The following EPHA3 variants were observed in gnomAD, a reference collection of about 807,000 sequenced individuals.
EPHA3 encodes the protein EPH receptor A3.
A neutral mutation model predicts 107.1 loss-of-function variants in EPHA3; 42 were observed. The ratio of observed to expected loss-of-function variants is 0.39; its 90% CI spans 0.31 to 0.51. EPHA3 has a LOEUF of 0.51. Ranked by LOEUF, EPHA3 falls within the 20% of genes least tolerant of loss-of-function variation. The pLI, the probability that EPHA3 is intolerant of heterozygous loss-of-function variation, is 0.78. For synonymous variants in EPHA3, 461 were observed against 424.8 expected (o/e 1.09, Z -1.05); for missense variants, 1,183 against 1,211.2 (o/e 0.98, Z 0.35).
intron 15 of EPHA3, among the ~76,000 whole-genome samples, chr3:89,459,074 T>C (rs1185467068): frequency 6.6e-6 from 1 of 152,086 alleles, no homozygotes; most frequent in Admixed American, 6.5e-5. Flanking sequence ...AAATACCTAA[T>C]GCATGTGGAG....
At chr3:89,412,265 A>T (rs547380941) in intron 9 of EPHA3, among the ~76,000 whole-genome samples, 1 of 151,700 alleles carries the variant, frequency 6.6e-6, no homozygotes, top group African/African-American at 2.4e-5. Flanking sequence ...ATTATCCTGT[A>T]TCAGTTGTCT....
intron 2 of EPHA3, among the ~76,000 whole-genome samples, chr3:89,167,120 A>G (rs1373692836): frequency 6.6e-6 from 1 of 152,124 alleles, no homozygotes; most frequent in Non-Finnish European, 1.5e-5. Flanking sequence ...ATGAAAACTA[A>G]TTTGTTTTAA....
intron 3 of EPHA3, 78 bp downstream of exon 3, chr3:89,210,598 C>T: frequency 5.6e-6 from 8 of 1,433,606 alleles, no homozygotes; most frequent in Non-Finnish European, 7.5e-6. Flanking sequence ...ATGAAATGCA[C>T]TCAGTCTCAA....
intron 3 of EPHA3, among the ~76,000 whole-genome samples, chr3:89,278,782 C>T (rs1705871146): frequency 6.6e-6 from 1 of 152,100 alleles, no homozygotes; most frequent in Admixed American, 6.6e-5. Flanking sequence ...CCCATTGCCC[C>T]AGAGGTTTGC....
At chr3:89,336,253 T>C (rs1707390401) in intron 3 of EPHA3, among the ~76,000 whole-genome samples, 1 of 152,086 alleles carries the variant, frequency 6.6e-6, no homozygotes, top group Admixed American at 6.6e-5. Context: ...ACTCACTAGT[T>C]TTACATTCAA....
intron 1 of EPHA3, among the ~76,000 whole-genome samples, chr3:89,119,573 G>C (rs1225400665): frequency 2.0e-5 from 3 of 152,088 alleles, no homozygotes; most frequent in Non-Finnish European, 4.4e-5. Flanking sequence ...TGTGTTTGTA[G>C]ATGTCCATCA....
intron 3 of EPHA3, among the ~76,000 whole-genome samples, chr3:89,222,787 A>T (rs1332229003): frequency 1.3e-5 from 2 of 152,144 alleles, no homozygotes; most frequent in Non-Finnish European, 2.9e-5. Context: ...GTTAATAAAT[A>T]TAATATGTAT....
intron 3 of EPHA3, among the ~76,000 whole-genome samples, chr3:89,258,847 G>T (rs1705347596): frequency 6.6e-6 from 1 of 152,118 alleles, no homozygotes; most frequent in Admixed American, 6.5e-5. Context: ...AGGACATTTT[G>T]GGGAGCAATG....
intron 2 of EPHA3, among the ~76,000 whole-genome samples, chr3:89,199,140 G>GA (rs1705910390): frequency 6.6e-6 from 1 of 152,138 alleles, no homozygotes; most frequent in Non-Finnish European, 1.5e-5. Flanking sequence ...GACAGAGTGA[G>GA]AAAATCTCTG....
At chr3:89,208,634 C>T (rs1270859569) in intron 2 of EPHA3, among the ~76,000 whole-genome samples, 1 of 151,268 alleles carries the variant, frequency 6.6e-6, no homozygotes, top group Non-Finnish European at 1.5e-5. Context: ...AGGGAAGATT[C>T]CACAAGTTCC....
At chr3:89,335,028 A>G (rs969598533) in intron 3 of EPHA3, among the ~76,000 whole-genome samples, 13 of 152,224 alleles carry the variant, frequency 8.5e-5, no homozygotes, top group Non-Finnish European at 1.8e-4. Context: ...ATCCATTTAT[A>G]AAATAACCAT....
intron 16 of EPHA3, among the ~76,000 whole-genome samples, chr3:89,477,021 C>T (rs1486469935): frequency 1.3e-5 from 2 of 151,948 alleles, no homozygotes; most frequent in Non-Finnish European, 2.9e-5. Flanking sequence ...ATTTGCATAC[C>T]CATACTTGTA....
At chr3:89,369,366 C>A (rs1708248416) in intron 5 of EPHA3, among the ~76,000 whole-genome samples, 1 of 150,704 alleles carries the variant, frequency 6.6e-6, no homozygotes, top group African/African-American at 2.4e-5. Context: ...ACTATCTGAT[C>A]TTTGACAAAC....
intron 5 of EPHA3, among the ~76,000 whole-genome samples, chr3:89,380,536 T>A (rs543044274): frequency 6.6e-6 from 1 of 152,228 alleles, no homozygotes; most frequent in Admixed American, 6.5e-5. Flanking sequence ...CTTATACGAA[T>A]GAAAGGAGCC....
chr3:89,457,910 G>A (rs1382343611), intron 15 of EPHA3, among the ~76,000 whole-genome samples: 2 of 152,208 alleles, frequency 1.3e-5, no homozygotes, highest in African/African-American at 4.8e-5. Context: ...AGGACATAGT[G>A]ACTGAGATGT....
chr3:89,190,503 G>A (rs1369679520), intron 2 of EPHA3, among the ~76,000 whole-genome samples: 3 of 152,124 alleles, frequency 2.0e-5, no homozygotes, highest in African/African-American at 7.2e-5. Flanking sequence ...TACATATACT[G>A]TGACTAAAGA....
chr3:89,456,988 C>A (rs554568818), intron 15 of EPHA3, among the ~76,000 whole-genome samples: 3 of 152,054 alleles, frequency 2.0e-5, no homozygotes, highest in South Asian at 4.1e-4. Context: ...CTATAATACC[C>A]CTCAGAACAT....
chr3:89,351,583 C>T (rs1179137946), intron 5 of EPHA3, among the ~76,000 whole-genome samples: 10 of 151,168 alleles, frequency 6.6e-5, no homozygotes, highest in South Asian at 2.1e-4. Flanking sequence ...TCTTCTGCGT[C>T]GCTCACGCTG....
chr3:89,115,117 G>A (rs1007284285), intron 1 of EPHA3, among the ~76,000 whole-genome samples: 1 of 152,170 alleles, frequency 6.6e-6, no homozygotes, highest in Non-Finnish European at 1.5e-5. Context: ...GCGCTTGGTT[G>A]AGACTCACAG....
Sources: gnomAD v4.1 joint callset for allele counts (sites outside exome capture counted in the v4.1 genomes callset) on GRCh38, gnomAD v4.1.1 for gene constraint, MANE v1.5 for transcripts, NCBI Gene and HGNC (gene_info 2026-07-23, HGNC 2026-07-21) for gene names.